SCHIP1: variants seen among roughly 807,000 people sequenced by gnomAD.
SCHIP1 encodes the protein schwannomin-interacting protein 1.
Under a neutral mutation model 29.7 loss-of-function variants are expected in SCHIP1, and 8 were observed. The observed-to-expected ratio is 0.27, with a 90% CI of 0.16 to 0.49. The LOEUF is 0.49. SCHIP1 is among the 20% of genes least tolerant of loss of function. SCHIP1 has a pLI of 0.99. For missense variants in SCHIP1, 193 were observed against 294.6 expected (o/e 0.66, Z 2.52); for synonymous variants, 76 against 94.9 (o/e 0.80, Z 1.16).
the SCHIP1 span, among the ~76,000 whole-genome samples, chr3:159,543,725 A>T: frequency 6.6e-6 from 1 of 152,076 alleles, no homozygotes; most frequent in African/African-American, 2.4e-5. Context: ...TCCTTTGGGT[A>T]TACACCCAGT....
chr3:159,888,303 G>T, intron 4 of SCHIP1: 1 of 222,832 alleles, frequency 4.5e-6, no homozygotes, highest in African/African-American at 2.3e-5. Context: ...CTGGACTTTG[G>T]AGTTTAAGTC....
chr3:159,554,344 G>A, the SCHIP1 span, among the ~76,000 whole-genome samples: 1 of 152,058 alleles, frequency 6.6e-6, no homozygotes, highest in Non-Finnish European at 1.5e-5. Context: ...TATAAACTGG[G>A]GCTTTAAGTG....
At chr3:159,683,918 TTC>T in the SCHIP1 span, among the ~76,000 whole-genome samples, 41 of 150,310 alleles carry the variant, frequency 2.7e-4, no homozygotes, top group Non-Finnish European at 3.1e-4. Context: ...TGTGTAAAAC[TTC>T]TCTCTCTCTC....
At chr3:159,524,548 G>A in the SCHIP1 span, among the ~76,000 whole-genome samples, 1 of 152,200 alleles carries the variant, frequency 6.6e-6, no homozygotes, top group African/African-American at 2.4e-5. Context: ...CCAAAGACCT[G>A]CAGCATTGTC....
At chr3:159,370,514 A>T in the SCHIP1 span, among the ~76,000 whole-genome samples, 5 of 152,238 alleles carry the variant, frequency 3.3e-5, no homozygotes, top group Non-Finnish European at 5.9e-5. Context: ...GACTGAGCTA[A>T]GGGATGCCCA....
intron 1 of SCHIP1, among the ~76,000 whole-genome samples, chr3:159,846,917 T>C (rs572847921): frequency 6.6e-6 from 1 of 152,208 alleles, no homozygotes; most frequent in Non-Finnish European, 1.5e-5. Flanking sequence ...CTAATTTATA[T>C]GCTTTACCAC....
the SCHIP1 span, among the ~76,000 whole-genome samples, chr3:159,787,203 T>C: frequency 6.6e-6 from 1 of 152,334 alleles, no homozygotes; most frequent in South Asian, 2.1e-4. Context: ...GGTGACTTAA[T>C]TTAAAATTGA....
the SCHIP1 span, among the ~76,000 whole-genome samples, chr3:159,555,159 G>T: frequency 6.6e-6 from 1 of 152,050 alleles, no homozygotes; most frequent in African/African-American, 2.4e-5. Flanking sequence ...TTTCTATCTA[G>T]GTTCATGAGT....
chr3:159,276,154 A>G, the SCHIP1 span, among the ~76,000 whole-genome samples: 2 of 152,144 alleles, frequency 1.3e-5, no homozygotes, highest in African/African-American at 2.4e-5. Flanking sequence ...AATAGTTCTT[A>G]CATCCAAGGT....
At chr3:159,432,876 A>AT in the SCHIP1 span, among the ~76,000 whole-genome samples, 2 of 152,124 alleles carry the variant, frequency 1.3e-5, no homozygotes, top group African/African-American at 2.4e-5. Context: ...TTCCTCAGTG[A>AT]GTCCTCTTTG....
At chr3:159,687,102 A>G in the SCHIP1 span, among the ~76,000 whole-genome samples, 1 of 151,688 alleles carries the variant, frequency 6.6e-6, no homozygotes, top group East Asian at 1.9e-4. Context: ...AACATAGAAA[A>G]TTTTCACTGG....
chr3:159,529,656 A>G, the SCHIP1 span, among the ~76,000 whole-genome samples: 1 of 152,162 alleles, frequency 6.6e-6, no homozygotes, highest in African/African-American at 2.4e-5. Flanking sequence ...AATATAGAAT[A>G]AATTATTGTT....
At chr3:159,472,027 T>C in the SCHIP1 span, among the ~76,000 whole-genome samples, 1 of 152,148 alleles carries the variant, frequency 6.6e-6, no homozygotes, top group Non-Finnish European at 1.5e-5. Context: ...AAAGACAATA[T>C]TTACATGAAG....
At chr3:159,892,449 CT>C in intron 6 of SCHIP1, 1 of 585,374 alleles carries the variant, frequency 1.7e-6, no homozygotes. Context: ...TAAATCAGGT[CT>C]AGTTCTGGTT....
the SCHIP1 span, among the ~76,000 whole-genome samples, chr3:159,831,104 T>G: frequency 2.0e-5 from 3 of 152,214 alleles, no homozygotes; most frequent in Admixed American, 6.5e-5. Flanking sequence ...AGCTTGCCTC[T>G]TAGCCTGATG....
chr3:159,511,365 T>TGGCTAGGGAAG, the SCHIP1 span, among the ~76,000 whole-genome samples: 1 of 152,210 alleles, frequency 6.6e-6, no homozygotes, highest in Non-Finnish European at 1.5e-5. Flanking sequence ...GTGCTTTCTG[T>TGGCTAGGGAAG]CACCGCTTTG....
At chr3:159,615,081 A>T in the SCHIP1 span, among the ~76,000 whole-genome samples, 2 of 152,200 alleles carry the variant, frequency 1.3e-5, no homozygotes, top group Admixed American at 1.3e-4. Flanking sequence ...TGCTTTGGTT[A>T]ACTCTCAAAA....
At chr3:159,322,839 C>A in the SCHIP1 span, among the ~76,000 whole-genome samples, 1 of 152,162 alleles carries the variant, frequency 6.6e-6, no homozygotes, top group East Asian at 1.9e-4. Flanking sequence ...CAACAAAGTT[C>A]TCTCATAATA....
At chr3:159,587,556 G>A in the SCHIP1 span, among the ~76,000 whole-genome samples, 14 of 152,056 alleles carry the variant, frequency 9.2e-5, no homozygotes, top group Admixed American at 7.9e-4. Context: ...TGCCATGTTG[G>A]TGTGCTGCAC....
Sources: gnomAD v4.1 joint callset for allele counts (sites outside exome capture counted in the v4.1 genomes callset) on GRCh38, gnomAD v4.1.1 for gene constraint, MANE v1.5 for transcripts, NCBI Gene and HGNC (gene_info 2026-07-23, HGNC 2026-07-21) for gene names.